The following TRMT9B variants were observed in gnomAD, a reference collection of about 807,000 sequenced individuals.
TRMT9B encodes tRNA methyltransferase 9B (putative), also known as probable tRNA methyltransferase 9B.
A neutral mutation model predicts 11.5 loss-of-function variants in TRMT9B; 16 were observed. That is an observed-to-expected ratio of 1.39 (90% CI 0.94 to 2.11). TRMT9B has a LOEUF of 2.11. Ranked by LOEUF, TRMT9B falls within the 30% of genes most tolerant of loss-of-function variation. The probability of loss-of-function intolerance (pLI) is 0.00; values close to 1 mark genes in which losing one functional copy is unlikely to be tolerated. For missense variants in TRMT9B, 941 were observed against 553.8 expected, an observed-to-expected ratio of 1.70 and a Z score of -7.02; for synonymous variants, 274 against 192.4, an observed-to-expected ratio of 1.42 and a Z score of -3.51.
chr8:13,010,830 C>G (rs1191294532), intron 3 of TRMT9B: 7 of 982,058 alleles, frequency 7.1e-6, no homozygotes, highest in Non-Finnish European at 8.5e-6. Flanking sequence ...TTTTAAAATA[C>G]TTTGTGAATT....
intron 1 of TRMT9B, among the ~76,000 whole-genome samples, chr8:12,981,338 G>A (rs749439928): frequency 1.3e-5 from 2 of 152,208 alleles, no homozygotes; most frequent in Admixed American, 1.3e-4. Flanking sequence ...AGAGCACAGG[G>A]TGTGAATTGG....
intron 1 of TRMT9B, among the ~76,000 whole-genome samples, chr8:12,966,987 G>A (rs1430040011): frequency 6.6e-6 from 1 of 152,120 alleles, no homozygotes; most frequent in African/African-American, 2.4e-5. Flanking sequence ...TAGTACTCTA[G>A]TACTCACCTT....
intron 1 of TRMT9B, among the ~76,000 whole-genome samples, chr8:12,956,343 T>G (rs1429620532): frequency 6.6e-6 from 1 of 152,200 alleles, no homozygotes. Context: ...TTGTAAAAAT[T>G]TTTTAAAGGA....
chr8:13,014,097 A>T (rs1812173092), intron 4 of TRMT9B, among the ~76,000 whole-genome samples: 2 of 152,352 alleles, frequency 1.3e-5, no homozygotes, highest in South Asian at 4.1e-4. Context: ...TTTATCCAAC[A>T]TTAGGTGGGG....
intron 2 of TRMT9B, among the ~76,000 whole-genome samples, chr8:12,996,485 C>T (rs1808363574): frequency 6.6e-6 from 1 of 152,172 alleles, no homozygotes; most frequent in South Asian, 2.1e-4. Context: ...TATACTATGA[C>T]ATAATCTTAT....
chr8:13,000,000 C>T (rs1029101679), intron 2 of TRMT9B, among the ~76,000 whole-genome samples: 3 of 152,132 alleles, frequency 2.0e-5, no homozygotes, highest in African/African-American at 7.2e-5. Flanking sequence ...ATACTTTTCA[C>T]TTTTTCATGA....
intron 1 of TRMT9B, among the ~76,000 whole-genome samples, chr8:12,955,732 G>T (rs147304625): frequency 5.5e-4 from 84 of 152,160 alleles, no homozygotes; most frequent in African/African-American, 1.5e-3. Context: ...TAACTATTTC[G>T]AGCAGGAAGG....
rs112483795 is a variant in TRMT9B, at chr8:12,981,507, A to T, written c.-199-9327A>T. On this transcript the variant is annotated intron_variant, in intron 1 of 4. Coordinates refer to ENST00000524591, the MANE Select transcript of TRMT9B (RefSeq NM_020844.3). ...AGTGTGACGGCACGGAGCATTGGAG[A>T]TTGGAGACCATTATATTATCTGTTT... Among the ~76,000 whole-genome samples, 30 of 152,278 alleles carry T rather than the reference A, an allele frequency of 2.0e-4. No individual in the cohort carries two copies. The East Asian group carries it at 5.6e-3, about 28-fold the overall frequency.
At chr8:12,967,298 T>A (rs1019160757) in intron 1 of TRMT9B, among the ~76,000 whole-genome samples, 1 of 152,196 alleles carries the variant, frequency 6.6e-6, no homozygotes, top group African/African-American at 2.4e-5. Flanking sequence ...TAGGAACAAA[T>A]GTATTTCATA....
At chr8:12,966,807 G>A (rs1290207084) in intron 1 of TRMT9B, among the ~76,000 whole-genome samples, 3 of 152,172 alleles carry the variant, frequency 2.0e-5, no homozygotes, top group South Asian at 2.1e-4. Flanking sequence ...CCTGAGCTTC[G>A]TAGGGTTTGT....
chr8:13,010,584 G>A (rs1811405354), intron 3 of TRMT9B: 3 of 985,058 alleles, frequency 3.0e-6, no homozygotes, highest in Non-Finnish European at 3.6e-6. Flanking sequence ...AGAGTTCTAG[G>A]GCACTGGAAG....
intron 1 of TRMT9B, among the ~76,000 whole-genome samples, chr8:12,966,314 G>A (rs775494182): frequency 1.3e-5 from 2 of 152,160 alleles, no homozygotes; most frequent in Non-Finnish European, 2.9e-5. Context: ...ACTCCAAACA[G>A]ATACAACCAT....
intron 1 of TRMT9B, among the ~76,000 whole-genome samples, chr8:12,983,145 A>G (rs1280874100): frequency 1.3e-5 from 2 of 152,176 alleles, no homozygotes; most frequent in Non-Finnish European, 2.9e-5. Flanking sequence ...CACTGATGAG[A>G]AAAAGGAAGC....
Position 13,023,657 on chromosome 8 carries a change from G to A in TRMT9B, c.*1613G>A, listed in dbSNP as rs1402697184. ...TTCATTAATGAGAAAATTGACATCT[G>A]ACAAGAGTCTTTTTACTTTATGCTG... On this transcript the variant is annotated 3_prime_UTR_variant, in exon 5 of 5. Transcript: ENST00000524591. 6.0e-6 allele frequency: 1 copy of A among 167,028 alleles called. No individual in the cohort carries two copies. Among genetic ancestry groups the A allele is most frequent in the African/African-American group, 2.4e-5 (1 of 41,448 alleles). The allele number at this position is 167,028 out of a possible 1,614,324, so 10.3% of individuals were successfully genotyped here.
chr8:12,973,006 C>A (rs2977077), intron 1 of TRMT9B, among the ~76,000 whole-genome samples: 76,964 of 151,724 alleles, frequency 0.51, 19,928 homozygotes, highest in East Asian at 0.63. Context: ...ACTCCCCAGG[C>A]CCTGGGAGCC....
At chr8:12,955,431 C>T (rs1449633777) in intron 1 of TRMT9B, among the ~76,000 whole-genome samples, 3 of 152,094 alleles carry the variant, frequency 2.0e-5, no homozygotes, top group Admixed American at 6.5e-5. Context: ...CCCTCCTATC[C>T]TCCCTTCTTT....
At chr8:12,961,355 T>A (rs1802078599) in intron 1 of TRMT9B, among the ~76,000 whole-genome samples, 1 of 151,988 alleles carries the variant, frequency 6.6e-6, no homozygotes, top group Non-Finnish European at 1.5e-5. Context: ...AAAATCATAT[T>A]TTTTTTAAAG....
chr8:12,956,782 A>G (rs944463637), intron 1 of TRMT9B, among the ~76,000 whole-genome samples: 3 of 152,250 alleles, frequency 2.0e-5, no homozygotes, highest in Non-Finnish European at 4.4e-5. Context: ...GGAGAATAAC[A>G]TAAGAGTATG....
rs915303405 is a variant in TRMT9B at position 12,992,573 on chromosome 8, T to C, written c.-2+1542T>C. 5.3e-5 allele frequency among the ~76,000 whole-genome samples: 8 copies of C among 151,946 alleles called. No homozygotes were observed. The East Asian group carries it at 1.5e-3, about 29-fold the overall frequency. ...ACTTCATTTAAACAGCATCATTGACTGGGCACAGTGGCTCATGCTTGCAAT... is the reference window on the plus strand; with the variant it reads ...ACTTCATTTAAACAGCATCATTGACCGGGCACAGTGGCTCATGCTTGCAAT... On this transcript the variant is annotated intron_variant, in intron 2 of 4. Transcript: ENST00000524591.
Sources: allele counts gnomAD v4.1 joint callset (sites outside exome capture counted in the v4.1 genomes callset), GRCh38; gene constraint gnomAD v4.1.1; transcripts MANE v1.5; gene names NCBI Gene and HGNC (gene_info 2026-07-23, HGNC 2026-07-21).